The following ATP8A1 variants were observed in gnomAD, a reference collection of about 807,000 sequenced individuals.
The protein encoded by ATP8A1 is phospholipid-transporting ATPase IA.
In ATP8A1, 90 loss-of-function variants were observed where a neutral mutation model predicts 177.7. The ratio of observed to expected loss-of-function variants is 0.51; its 90% CI spans 0.43 to 0.60. ATP8A1 has a LOEUF of 0.60. Ranked by LOEUF, ATP8A1 falls within the 20% of genes least tolerant of loss-of-function variation. ATP8A1 has a pLI of 0.00. For synonymous variants in ATP8A1, 493 were observed against 485.9 expected (o/e 1.01, Z -0.19); for missense variants, 1,072 against 1,392.8 (o/e 0.77, Z 3.67).
At chr4:42,579,679 T>TA (rs1732817240) in intron 11 of ATP8A1, 134 bp downstream of exon 11, 1 of 841,142 alleles carries the variant, frequency 1.2e-6, no homozygotes, top group South Asian at 1.8e-5. Context: ...CACTGAAAAA[T>TA]AAAGATCAAA....
intron 30 of ATP8A1, among the ~76,000 whole-genome samples, chr4:42,451,406 G>A (rs984416727): frequency 1.3e-5 from 2 of 152,144 alleles, no homozygotes; most frequent in African/African-American, 4.8e-5. Context: ...AAGAATCACA[G>A]GGATCTCTTT....
intron 6 of ATP8A1, chr4:42,594,254 C>T (rs778579680): frequency 7.6e-7 from 1 of 1,319,960 alleles, no homozygotes; most frequent in South Asian, 1.3e-5. Flanking sequence ...AGAAACCATC[C>T]TCTACACTGT....
intron 33 of ATP8A1, among the ~76,000 whole-genome samples, chr4:42,429,307 C>A (rs1714992773): frequency 6.6e-6 from 1 of 152,072 alleles, no homozygotes; most frequent in East Asian, 1.9e-4. Context: ...GTTAAACTAT[C>A]CCCAGCTCCC....
At chr4:42,553,201 A>T (rs957562476) in intron 16 of ATP8A1, among the ~76,000 whole-genome samples, 1 of 152,222 alleles carries the variant, frequency 6.6e-6, no homozygotes, top group African/African-American at 2.4e-5. Context: ...GTATAGTGAG[A>T]AAGGCAGATG....
rs560998580 is a variant in ATP8A1 at position 42,614,988 on chromosome 4, A to C, written c.409+1045T>G. On this transcript the variant is annotated intron_variant, in intron 5 of 36. Coordinates refer to ENST00000381668, the MANE Select transcript of ATP8A1 (RefSeq NM_006095.2). Reference sequence around the variant, plus strand: ...AACTATGATTTGCCACAAAAATCCGAAGATAATTGAGATCATGTAGTCCAA... The same window carrying C: ...AACTATGATTTGCCACAAAAATCCGCAGATAATTGAGATCATGTAGTCCAA... Among the ~76,000 whole-genome samples the C allele has an allele frequency of 2.4e-4, 36 of 152,352 alleles. No homozygotes were observed. In the South Asian group the frequency reaches 7.3e-3, roughly 31 times the overall value.
In ATP8A1 at chr4:42,524,750, A is replaced by G; in HGVS notation, c.1807+13T>C. On this transcript the variant is annotated intron_variant, in intron 21 of 36. Transcript: ENST00000381668. ...TGTATTTTAATCATGCTTTATTGCC[A>G]AATTACACTTACCTTCTGTAGCAAA... is the stretch of plus-strand genomic sequence containing the variant. 1.3e-6 allele frequency: 2 copies of G among 1,571,678 alleles called. No individual in the cohort carries two copies. Among genetic ancestry groups the G allele is most frequent in the Non-Finnish European group, 1.7e-6 (2 of 1,147,080 alleles).
intron 27 of ATP8A1, chr4:42,459,534 T>A: frequency 2.8e-6 from 1 of 350,956 alleles, no homozygotes; most frequent in Non-Finnish European, 5.7e-6. Context: ...GTCAGTGTTC[T>A]GGAATGAGAA....
At chr4:42,602,730 C>CT (rs1257029888) in intron 5 of ATP8A1, among the ~76,000 whole-genome samples, 1 of 152,066 alleles carries the variant, frequency 6.6e-6, no homozygotes, top group Non-Finnish European at 1.5e-5. Context: ...GATGACGCCA[C>CT]TGCACTCTAG....
At chr4:42,582,652 C>T (rs1207930668) in intron 9 of ATP8A1, among the ~76,000 whole-genome samples, 1 of 152,280 alleles carries the variant, frequency 6.6e-6, no homozygotes, top group Non-Finnish European at 1.5e-5. Flanking sequence ...CTTAAAACCT[C>T]TAGAACATTC....
intron 10 of ATP8A1, among the ~76,000 whole-genome samples, chr4:42,581,378 C>T (rs1481594543): frequency 6.6e-6 from 1 of 152,156 alleles, no homozygotes; most frequent in African/African-American, 2.4e-5. Context: ...TGTGATCCGC[C>T]CGCCTTGGCC....
At chr4:42,555,138 T>C (rs1212934042) in intron 16 of ATP8A1, among the ~76,000 whole-genome samples, 1 of 76,784 alleles carries the variant, frequency 1.3e-5, no homozygotes, top group Non-Finnish European at 2.6e-5. Flanking sequence ...TCTATCTATC[T>C]AATCTATCTA....
intron 25 of ATP8A1, among the ~76,000 whole-genome samples, chr4:42,466,278 G>C (rs966550769): frequency 6.6e-6 from 1 of 152,178 alleles, no homozygotes; most frequent in African/African-American, 2.4e-5. Flanking sequence ...AGGTTATGTG[G>C]CATAGATGAC....
At chr4:42,494,372 A>G (rs112914590) in intron 24 of ATP8A1, among the ~76,000 whole-genome samples, 11,198 of 152,074 alleles carry the variant, frequency 0.074, 1,347 homozygotes, top group African/African-American at 0.25. Context: ...CTACTTGGGA[A>G]GCTAAGGCAC....
At chr4:42,554,834 G>C (rs549599163) in intron 16 of ATP8A1, among the ~76,000 whole-genome samples, 1 of 152,246 alleles carries the variant, frequency 6.6e-6, no homozygotes, top group South Asian at 2.1e-4. Context: ...AGTGGGATGG[G>C]GAAGGCAGAT....
rs144728766 is a variant in ATP8A1, at chr4:42,538,073, T to C, written c.1722+5844A>G. Among the ~76,000 whole-genome samples the C allele has an allele frequency of 1.1e-3, 166 of 152,282 alleles. 1 individual carries two copies. The highest frequency in any genetic ancestry group is 6.0e-3 in the Admixed American group (91 of 15,288). ...TGGTAGTGGTATAAAAATAGGCATA[T>C]AGACCAATGGAAGAGAATGAAGAAC... On this transcript the variant is annotated intron_variant, in intron 20 of 36. Coordinates refer to ENST00000381668, the MANE Select transcript of ATP8A1 (RefSeq NM_006095.2).
chr4:42,468,882 C>T (rs952170190), intron 25 of ATP8A1, among the ~76,000 whole-genome samples: 1 of 152,116 alleles, frequency 6.6e-6, no homozygotes, highest in East Asian at 1.9e-4. Context: ...GGTTGCTAAA[C>T]AAAGATGTCA....
intron 27 of ATP8A1, among the ~76,000 whole-genome samples, chr4:42,457,542 C>A (rs952666264): frequency 6.6e-6 from 1 of 152,174 alleles, no homozygotes; most frequent in Admixed American, 6.5e-5. Flanking sequence ...AAAGCCGAAG[C>A]GCTCTGCATA....
Position 42,473,820 on chromosome 4 carries a change from GT to G in ATP8A1, c.2325-8745del, listed in dbSNP as rs35611601. 2.7e-3 allele frequency among the ~76,000 whole-genome samples: 362 copies of G among 131,668 alleles called. 1 individual carries two copies. The highest frequency in any genetic ancestry group is 8.2e-3 in the African/African-American group (306 of 37,162). 86.4% of individuals were successfully genotyped at this position (131,668 alleles called of 152,430 possible). A position where few individuals can be genotyped will look rare whatever the true frequency, so the allele number is the denominator to read the frequency against. Reference sequence around the variant, plus strand: ...GCCACCATGCATGGCTAATTTTTGTGTTTTTTTTTTTTTTGTAGAGATGGAG... The same window carrying G: ...GCCACCATGCATGGCTAATTTTTGTGTTTTTTTTTTTTTGTAGAGATGGAG... On this transcript the variant is annotated intron_variant, in intron 25 of 36. Coordinates refer to ENST00000381668, the MANE Select transcript of ATP8A1 (RefSeq NM_006095.2).
chr4:42,435,456 A>AAAAAAAAAAAAAAAAAAAAAAAAC (rs1560320569), intron 33 of ATP8A1, among the ~76,000 whole-genome samples: 1 of 101,068 alleles, frequency 9.9e-6, no homozygotes, highest in African/African-American at 3.2e-5. Flanking sequence ...AAAACAAAAA[A>AAAAAAAAAAAAAAAAAAAAAAAAC]AAAAAAACAA....
Sources: allele counts gnomAD v4.1 joint callset (sites outside exome capture counted in the v4.1 genomes callset), GRCh38; gene constraint gnomAD v4.1.1; transcripts MANE v1.5; gene names NCBI Gene and HGNC (gene_info 2026-07-23, HGNC 2026-07-21).